The following FGGY variants were observed in gnomAD, a reference collection of about 807,000 sequenced individuals.
The protein encoded by FGGY is FGGY carbohydrate kinase domain containing, also known as FGGY carbohydrate kinase domain-containing protein.
FGGY carries 72 observed loss-of-function variants against 71.3 expected under a neutral mutation model. The observed-to-expected ratio is 1.01, with a 90% CI of 0.84 to 1.23. The LOEUF (loss-of-function observed/expected upper bound fraction) is 1.23, where lower values mean the gene tolerates loss of function less well. Ranked by LOEUF, FGGY falls within the 50% of genes most tolerant of loss-of-function variation. FGGY has a pLI of 0.00. For missense variants in FGGY, 668 were observed against 682.3 expected, an observed-to-expected ratio of 0.98 and a Z score of 0.23; for synonymous variants, 251 against 250.3, an observed-to-expected ratio of 1.00 and a Z score of -0.02.
rs145385662 is a variant in FGGY at position 59,721,216 on chromosome 1, A to G, written c.1513-36715A>G. On this transcript the variant is annotated intron_variant, in intron 14 of 15. Coordinates refer to ENST00000303721, the MANE Select transcript of FGGY (RefSeq NM_018291.5). ...CTGTGTGATATATGTGCATGAACTT[A>G]TGTGTTATTTTGATAAACATGACCA... Among the ~76,000 whole-genome samples, 115 of 151,642 alleles carry G rather than the reference A, an allele frequency of 7.6e-4. 2 individuals carry two copies. The highest frequency in any genetic ancestry group is 2.7e-3 in the African/African-American group (110 of 41,242).
chr1:59,645,854 A>T (rs976962492), intron 11 of FGGY, among the ~76,000 whole-genome samples: 32 of 152,216 alleles, frequency 2.1e-4, no homozygotes, highest in Non-Finnish European at 3.2e-4. Flanking sequence ...GTACAGAACT[A>T]CCCAGAACAA....
At chr1:59,631,832 C>G (rs2096911067) in intron 10 of FGGY, among the ~76,000 whole-genome samples, 1 of 152,120 alleles carries the variant, frequency 6.6e-6, no homozygotes, top group African/African-American at 2.4e-5. Flanking sequence ...TAACTGGTAA[C>G]CAAAGTTTCT....
At chr1:59,536,576 C>T (rs1053310466) in intron 7 of FGGY, among the ~76,000 whole-genome samples, 13 of 152,228 alleles carry the variant, frequency 8.5e-5, no homozygotes, top group Non-Finnish European at 1.5e-5. Flanking sequence ...TGCAAAAATC[C>T]TCGGTAAAAT....
chr1:59,673,893 A>G (rs2097406214), intron 13 of FGGY, 146 bp from the exon 14 acceptor site: 2 of 635,276 alleles, frequency 3.1e-6, no homozygotes, highest in South Asian at 3.7e-5. Flanking sequence ...AATCCCAAGG[A>G]ATAAAGAAGG....
intron 6 of FGGY, among the ~76,000 whole-genome samples, chr1:59,461,766 C>T (rs1404285685): frequency 1.9e-4 from 29 of 151,616 alleles, no homozygotes; most frequent in Non-Finnish European, 3.8e-4. Context: ...CAATATTCAA[C>T]ATTCTTTTGT....
chr1:59,457,787 C>T (rs928760593), intron 6 of FGGY, among the ~76,000 whole-genome samples: 4 of 152,052 alleles, frequency 2.6e-5, no homozygotes, highest in African/African-American at 9.7e-5. Flanking sequence ...AAAAATAAAG[C>T]TAAAAGATCA....
intron 9 of FGGY, among the ~76,000 whole-genome samples, chr1:59,621,085 A>G (rs965608328): frequency 5.3e-5 from 8 of 152,066 alleles, no homozygotes; most frequent in Non-Finnish European, 8.8e-5. Flanking sequence ...GTGACCTCAC[A>G]TGGCCTTTTC....
intron 7 of FGGY, among the ~76,000 whole-genome samples, chr1:59,535,743 A>T (rs1187564082): frequency 7.1e-6 from 1 of 140,172 alleles, no homozygotes; most frequent in Non-Finnish European, 1.5e-5. Context: ...CTGGGTACAT[A>T]ACGAAATGAA....
chr1:59,335,797 A>G (rs1421480196), intron 2 of FGGY, among the ~76,000 whole-genome samples: 1 of 152,088 alleles, frequency 6.6e-6, no homozygotes, highest in Non-Finnish European at 1.5e-5. Context: ...TACATTGGCC[A>G]TTTGTATATT....
intron 6 of FGGY, chr1:59,474,069 T>A (rs2093137229): frequency 6.6e-6 from 1 of 152,248 alleles, no homozygotes; most frequent in African/African-American, 2.4e-5. Context: ...CACTCCTGCA[T>A]CACTCTGTTC....
At chr1:59,588,789 G>C (rs916454074) in intron 8 of FGGY, among the ~76,000 whole-genome samples, 7 of 152,110 alleles carry the variant, frequency 4.6e-5, no homozygotes, top group Admixed American at 1.3e-4. Flanking sequence ...CCTGAAGGAA[G>C]CACTAAACAT....
chr1:59,660,334 A>G, intron 12 of FGGY, 41 bp downstream of exon 12: 1 of 1,528,140 alleles, frequency 6.5e-7, no homozygotes, highest in Non-Finnish European at 9.0e-7. Flanking sequence ...ACTTAGAGCC[A>G]TCAGTATACT....
intron 5 of FGGY, among the ~76,000 whole-genome samples, chr1:59,391,548 C>G (rs1392958004): frequency 6.6e-6 from 1 of 152,166 alleles, no homozygotes; most frequent in Non-Finnish European, 1.5e-5. Flanking sequence ...TAAAGCAAAT[C>G]TGGATAGAAA....
chr1:59,304,053 C>T (rs950821617), intron 1 of FGGY, among the ~76,000 whole-genome samples: 3 of 152,096 alleles, frequency 2.0e-5, no homozygotes, highest in South Asian at 2.1e-4. Context: ...TTCATTTTCT[C>T]GATTGTTTCC....
chr1:59,416,372 A>G (rs908611586), intron 5 of FGGY, among the ~76,000 whole-genome samples: 1 of 152,188 alleles, frequency 6.6e-6, no homozygotes, highest in Admixed American at 6.5e-5. Context: ...CTGTCTGGAA[A>G]GGGTCTTTAG....
intron 12 of FGGY, 39 bp from the exon 13 acceptor site, chr1:59,667,244 G>C (rs780353588): frequency 1.9e-6 from 3 of 1,612,926 alleles, no homozygotes; most frequent in Non-Finnish European, 2.5e-6. Flanking sequence ...GTTTACTTTT[G>C]TGACTATACT....
chr1:59,606,970 A>G (rs1054938646), intron 8 of FGGY, among the ~76,000 whole-genome samples: 5 of 152,222 alleles, frequency 3.3e-5, no homozygotes, highest in South Asian at 2.1e-4. Flanking sequence ...CCAGCACCCA[A>G]TAGGGGGACA....
intron 14 of FGGY, among the ~76,000 whole-genome samples, chr1:59,721,512 A>G (rs1256823505): frequency 6.6e-6 from 1 of 150,784 alleles, no homozygotes; most frequent in Non-Finnish European, 1.5e-5. Context: ...CTAATTTTGT[A>G]TTTTTCGTAG....
chr1:59,488,131 C>T (rs1332432654), intron 6 of FGGY, among the ~76,000 whole-genome samples: 1 of 151,984 alleles, frequency 6.6e-6, no homozygotes, highest in Non-Finnish European at 1.5e-5. Flanking sequence ...TCTTTAGAAG[C>T]ATAATTTTAA....
Sources: allele counts gnomAD v4.1 joint callset (sites outside exome capture counted in the v4.1 genomes callset), GRCh38; gene constraint gnomAD v4.1.1; transcripts MANE v1.5; gene names NCBI Gene and HGNC (gene_info 2026-07-23, HGNC 2026-07-21).